Variants in DPP6 observed in about 807,000 individuals in gnomAD.
DPP6 encodes dipeptidyl peptidase like 6.
DPP6 carries 69 observed loss-of-function variants against 122.6 expected under a neutral mutation model. The ratio of observed to expected loss-of-function variants is 0.56; its 90% CI spans 0.46 to 0.69. The LOEUF (loss-of-function observed/expected upper bound fraction) is 0.69. Among genes scored for constraint, DPP6 ranks in the 30% least tolerant of loss-of-function variants. DPP6 has a pLI of 0.00. For synonymous variants in DPP6, 418 were observed against 433.1 expected, an observed-to-expected ratio of 0.97 and a Z score of 0.43; for missense variants, 928 against 1,116.9, an observed-to-expected ratio of 0.83 and a Z score of 2.41.
intron 1 of DPP6, among the ~76,000 whole-genome samples, chr7:154,441,892 C>T (rs756747980): frequency 1.1e-4 from 16 of 152,068 alleles, no homozygotes; most frequent in Non-Finnish European, 2.4e-4. Flanking sequence ...TTAAAATGAC[C>T]AAACGACTCA....
chr7:154,129,579 A>G (rs1808205980), intron 1 of DPP6, among the ~76,000 whole-genome samples: 1 of 152,030 alleles, frequency 6.6e-6, no homozygotes, highest in Non-Finnish European at 1.5e-5. Context: ...CCTAGCCAAC[A>G]TGGTGAAACC....
chr7:154,681,413 G>C (rs1839271463), intron 7 of DPP6, among the ~76,000 whole-genome samples: 1 of 152,206 alleles, frequency 6.6e-6, no homozygotes, highest in African/African-American at 2.4e-5. Context: ...AGTGCACTTA[G>C]TGATAGATTC....
In DPP6 at chr7:154,622,996, C is replaced by T. The variant is rs529975577; in HGVS notation, c.628-14825C>T. ...TACAGATAATCAATTTCAGTTGCTG[C>T]AGAAAACTCTGTTGGGGGTGATGGA... On this transcript the variant is annotated intron_variant, in intron 5 of 25. Coordinates refer to ENST00000377770, the MANE Select transcript of DPP6 (RefSeq NM_130797.4). Among the ~76,000 whole-genome samples, 16 of 152,314 alleles carry T rather than the reference C, an allele frequency of 1.1e-4. No homozygotes were observed. In the South Asian group the frequency reaches 3.1e-3, roughly 30 times the overall value.
At position 154,814,866 on chromosome 7, in the gene DPP6, C is replaced by G. The variant is rs1036204147; in HGVS notation, c.1666+7754C>G. On this transcript the variant is annotated intron_variant, in intron 16 of 25. Coordinates refer to ENST00000377770, the MANE Select transcript of DPP6 (RefSeq NM_130797.4). ...TGGTCTTCCCCCTCTGTCTCTGCAT[C>G]CAAATTTCCCACTTCTTATGTGGAT... is the stretch of plus-strand genomic sequence containing the variant. Among the ~76,000 whole-genome samples the G allele has an allele frequency of 5.3e-5, 8 of 152,160 alleles. No individual in the cohort carries two copies. In the South Asian group the frequency reaches 1.2e-3, roughly 24 times the overall value.
chr7:154,247,522 G>A (rs1262713433), intron 1 of DPP6, among the ~76,000 whole-genome samples: 1 of 152,008 alleles, frequency 6.6e-6, no homozygotes, highest in African/African-American at 2.4e-5. Context: ...TACTCACCAG[G>A]AAATGCCAGC....
chr7:154,852,831 A>G (rs1460305488), intron 16 of DPP6, among the ~76,000 whole-genome samples: 2 of 152,214 alleles, frequency 1.3e-5, no homozygotes, highest in Admixed American at 6.5e-5. Context: ...CCACATGGTC[A>G]TGGAGGGGAG....
At chr7:153,808,698 A>G in the DPP6 span, among the ~76,000 whole-genome samples, 1 of 151,934 alleles carries the variant, frequency 6.6e-6, no homozygotes, top group Non-Finnish European at 1.5e-5. Flanking sequence ...CACTTGGTAT[A>G]ATGTTCGTAT....
chr7:153,860,401 T>G, the DPP6 span, among the ~76,000 whole-genome samples: 114 of 152,230 alleles, frequency 7.5e-4, 2 homozygotes, highest in African/African-American at 2.6e-3. Flanking sequence ...TGGGAGGCAC[T>G]GGAAGGAGTT....
At chr7:154,356,625 A>G in intron 1 of DPP6, among the ~76,000 whole-genome samples, 1 of 152,184 alleles carries the variant, frequency 6.6e-6, no homozygotes, top group East Asian at 1.9e-4. Context: ...TTCAATAGTC[A>G]GACAATTCTA....
chr7:154,868,367 T>C (rs2150626637), intron 18 of DPP6, among the ~76,000 whole-genome samples: 1 of 152,328 alleles, frequency 6.6e-6, no homozygotes, highest in East Asian at 1.9e-4. Flanking sequence ...AACGCTCTCC[T>C]TCTTTGGTGA....
intron 1 of DPP6, among the ~76,000 whole-genome samples, chr7:154,437,468 G>A (rs1227596388): frequency 6.6e-6 from 1 of 152,072 alleles, no homozygotes; most frequent in Non-Finnish European, 1.5e-5. Context: ...TGTCACAGAG[G>A]GGCCCATACT....
intron 1 of DPP6, among the ~76,000 whole-genome samples, chr7:154,139,006 C>G (rs1795714494): frequency 1.3e-5 from 2 of 152,042 alleles, no homozygotes; most frequent in Non-Finnish European, 2.9e-5. Flanking sequence ...GCTCTCTTCT[C>G]TAAGAGCAGA....
chr7:154,000,382 G>C (rs1419978543), intron 1 of DPP6, among the ~76,000 whole-genome samples: 1 of 152,180 alleles, frequency 6.6e-6, no homozygotes. Context: ...CTCCCTGTCT[G>C]CTGAGAGCAG....
chr7:154,416,127 C>G (rs1481088195), intron 1 of DPP6, among the ~76,000 whole-genome samples: 1 of 152,118 alleles, frequency 6.6e-6, no homozygotes, highest in East Asian at 1.9e-4. Context: ...TATGAAATCT[C>G]ACACCGTCCT....
intron 23 of DPP6, among the ~76,000 whole-genome samples, chr7:154,888,347 C>T (rs1806333053): frequency 6.6e-6 from 1 of 152,134 alleles, no homozygotes; most frequent in Non-Finnish European, 1.5e-5. Context: ...CCTCAGCCTC[C>T]CAAAGTGCTG....
In DPP6 at chr7:154,486,414, G is replaced by C. The variant is rs1563746812; in HGVS notation, c.457+11377G>C. ...CCTAAAGTGCTGGGATTACGGGTGT[G>C]AGCCACCATGCCCGGCCACTCATGG... On this transcript the variant is annotated intron_variant, in intron 3 of 25. Coordinates refer to ENST00000377770, the MANE Select transcript of DPP6 (RefSeq NM_130797.4). The surrounding 1 kb of genome is among the most constrained non-coding windows in gnomAD (Gnocchi z 4.5). Among the ~76,000 whole-genome samples, 1 of 152,172 alleles carries C rather than the reference G, an allele frequency of 6.6e-6. No individual in the cohort carries two copies. The highest frequency in any genetic ancestry group is 1.5e-5 in the Non-Finnish European group (1 of 68,028).
At position 154,283,421 on chromosome 7, in the gene DPP6, C is replaced by T. The variant is rs997263840; in HGVS notation, c.244-162793C>T. On this transcript the variant is annotated intron_variant, in intron 1 of 25. Transcript: ENST00000377770. ...AGTAACTATTAGAATGCCTAGAACA[C>T]GGTACTTGTTAGTAAGAGTTATTCA... Among the ~76,000 whole-genome samples, 19 of 151,968 alleles carry T rather than the reference C, an allele frequency of 1.3e-4. 1 individual carries two copies. Among genetic ancestry groups the T allele is most frequent in the South Asian group, 2.1e-4 (1 of 4,818 alleles).
At chr7:154,238,121 C>G (rs111883006) in intron 1 of DPP6, among the ~76,000 whole-genome samples, 3,363 of 152,304 alleles carry the variant, frequency 0.022, 121 homozygotes, top group African/African-American at 0.076. Flanking sequence ...TTTTTAATAA[C>G]ACCATCTGCC....
At chr7:154,621,518 G>A (rs1378426577) in intron 5 of DPP6, among the ~76,000 whole-genome samples, 1 of 151,748 alleles carries the variant, frequency 6.6e-6, no homozygotes, top group Non-Finnish European at 1.5e-5. Flanking sequence ...ACAGGCTCAT[G>A]CCACCACACC....
Sources: gnomAD v4.1 joint callset for allele counts (sites outside exome capture counted in the v4.1 genomes callset) on GRCh38, gnomAD v4.1.1 for gene constraint, Gnocchi (gnomAD v3.1) non-coding constraint, MANE v1.5 for transcripts, NCBI Gene and HGNC (gene_info 2026-07-23, HGNC 2026-07-21) for gene names.